The following LRRIQ1 variants were observed in gnomAD, a reference collection of about 807,000 sequenced individuals.
LRRIQ1 encodes the protein leucine rich repeats and IQ motif containing 1, also known as leucine-rich repeat- and IQ domain-containing protein 1.
Under a neutral mutation model 211.9 loss-of-function variants are expected in LRRIQ1, and 210 were observed. The ratio of observed to expected loss-of-function variants is 0.99; its 90% CI spans 0.89 to 1.11. The LOEUF is 1.11. Among genes scored for constraint, LRRIQ1 ranks in the 50% most tolerant of loss-of-function variants. The pLI is 0.00. For synonymous variants in LRRIQ1, 699 were observed against 650.1 expected, an observed-to-expected ratio of 1.08 and a Z score of -1.14; for missense variants, 2,136 against 1,939.5, an observed-to-expected ratio of 1.10 and a Z score of -1.90.
At position 85,044,797 on chromosome 12, in the gene LRRIQ1, G is replaced by A; in HGVS notation, c.324G>A (p.Glu108=). Residue 108 remains glutamate (E), a synonymous_variant, in exon 4 of 27, where the codon GAG becomes GAA. Transcript: ENST00000393217. ...CAACTGAATATGAAGAAAGTTCAGAGCAATTAATTAAGGTATATATTCAAT... is the reference window on the plus strand; with the variant it reads ...CAACTGAATATGAAGAAAGTTCAGAACAATTAATTAAGGTATATATTCAAT... ...GLSTEYEESS[E]QLIKILSEIE... is the part of the protein sequence containing the mutation. The A allele has an allele frequency of 6.8e-7, 1 of 1,465,068 alleles. No homozygotes were observed. Among genetic ancestry groups the A allele is most frequent in the Non-Finnish European group, 9.5e-7 (1 of 1,051,762 alleles). 90.8% of individuals were successfully genotyped at this position (1,465,068 alleles called of 1,614,324 possible).
At chr12:85,042,216 A>T (rs1490941191) in intron 3 of LRRIQ1, among the ~76,000 whole-genome samples, 1 of 151,732 alleles carries the variant, frequency 6.6e-6, no homozygotes, top group East Asian at 1.9e-4. Context: ...TTAGAAAATT[A>T]TGAGATCTTG....
chr12:85,164,411 G>A (rs1044221517), intron 24 of LRRIQ1, among the ~76,000 whole-genome samples: 15 of 152,112 alleles, frequency 9.9e-5, no homozygotes, highest in Admixed American at 2.6e-4. Flanking sequence ...AATAAGAGGC[G>A]AACAGTACTT....
At chr12:85,202,701 A>G (rs1342777560) in intron 24 of LRRIQ1, among the ~76,000 whole-genome samples, 1 of 152,142 alleles carries the variant, frequency 6.6e-6, no homozygotes, top group Non-Finnish European at 1.5e-5. Flanking sequence ...GAGACTTTTC[A>G]AGACAGCATG....
At chr12:85,067,112 T>C (rs556486717) in intron 10 of LRRIQ1, among the ~76,000 whole-genome samples, 1 of 152,042 alleles carries the variant, frequency 6.6e-6, no homozygotes, top group African/African-American at 2.4e-5. Context: ...TCTTAGCAGT[T>C]AGTATATTTA....
chr12:85,076,177 A>G (rs1003595666), intron 11 of LRRIQ1, among the ~76,000 whole-genome samples: 13 of 151,168 alleles, frequency 8.6e-5, no homozygotes, highest in African/African-American at 2.7e-4. Context: ...CAGCACTGAA[A>G]TATTTCTGGG....
chr12:85,238,006 A>T (rs1895272396), intron 26 of LRRIQ1, among the ~76,000 whole-genome samples: 2 of 152,160 alleles, frequency 1.3e-5, no homozygotes, highest in Admixed American at 1.3e-4. Context: ...TATAACATCT[A>T]TTATAAATAT....
At chr12:85,079,938 C>T (rs1162339004) in intron 11 of LRRIQ1, among the ~76,000 whole-genome samples, 9 of 151,902 alleles carry the variant, frequency 5.9e-5, no homozygotes, top group African/African-American at 2.2e-4. Context: ...TTCCATTGCT[C>T]TTTATTTTGT....
At chr12:85,082,670 A>G (rs894902261) in intron 11 of LRRIQ1, among the ~76,000 whole-genome samples, 9 of 152,138 alleles carry the variant, frequency 5.9e-5, no homozygotes, top group African/African-American at 2.2e-4. Context: ...AATCGAGCTC[A>G]TTGAGTTTTA....
Position 85,151,759 on chromosome 12 carries a change from C to T in LRRIQ1, c.4330-521C>T, listed in dbSNP as rs532247429. ...AACAGTTGAATTAGAGAATATAAATCAGGGACCATGTTCCTTGTATTGTTT... is the reference window on the plus strand; with the variant it reads ...AACAGTTGAATTAGAGAATATAAATTAGGGACCATGTTCCTTGTATTGTTT... On this transcript the variant is annotated intron_variant, in intron 19 of 26. Transcript: ENST00000393217. 5.9e-5 allele frequency among the ~76,000 whole-genome samples: 9 copies of T among 151,596 alleles called. No individual in the cohort carries two copies. The East Asian group carries it at 1.6e-3, about 26-fold the overall frequency.
intron 8 of LRRIQ1, among the ~76,000 whole-genome samples, chr12:85,060,990 T>C (rs763904537): frequency 5.3e-5 from 8 of 151,856 alleles, no homozygotes; most frequent in Non-Finnish European, 1.2e-4. Context: ...ATAGCTTCTA[T>C]AGGTGGAATA....
chr12:85,148,003 A>G (rs1273239825), intron 19 of LRRIQ1, among the ~76,000 whole-genome samples: 2 of 151,908 alleles, frequency 1.3e-5, no homozygotes, highest in East Asian at 3.9e-4. Context: ...ATGTCTCCAG[A>G]TGAACACTGC....
At chr12:85,249,457 T>A (rs1342111205), downstream of LRRIQ1, among the ~76,000 whole-genome samples, 1 of 151,826 alleles carries the variant, frequency 6.6e-6, no homozygotes, top group East Asian at 1.9e-4. Flanking sequence ...GTAACATGCA[T>A]TATAATTCCA....
At chr12:85,052,994 A>T (rs745540428) in intron 7 of LRRIQ1, among the ~76,000 whole-genome samples, 5 of 152,136 alleles carry the variant, frequency 3.3e-5, no homozygotes, top group Non-Finnish European at 5.9e-5. Flanking sequence ...AATAGCATCT[A>T]TAATGAAGTA....
At chr12:85,122,713 C>T (rs1333238715) in intron 16 of LRRIQ1, among the ~76,000 whole-genome samples, 1 of 151,830 alleles carries the variant, frequency 6.6e-6, no homozygotes. Context: ...TGAACATAGT[C>T]TATTTTGATT....
chr12:85,250,180 A>G (rs146354362), intron 1 of LRRIQ1, among the ~76,000 whole-genome samples: 1 of 152,022 alleles, frequency 6.6e-6, no homozygotes, highest in Non-Finnish European at 1.5e-5. Context: ...GAAAATGAGT[A>G]TCTGACATTT....
At chr12:85,105,653 G>A (rs1272140366) in intron 14 of LRRIQ1, among the ~76,000 whole-genome samples, 1 of 151,978 alleles carries the variant, frequency 6.6e-6, no homozygotes, top group African/African-American at 2.4e-5. Context: ...AAGTCAGGGT[G>A]TTGTTGTCTT....
chr12:85,230,294 T>C (rs1449712946), intron 25 of LRRIQ1, among the ~76,000 whole-genome samples: 2 of 152,210 alleles, frequency 1.3e-5, no homozygotes, highest in Non-Finnish European at 2.9e-5. Context: ...GGGAAAATTA[T>C]TTTATCTCAC....
intron 24 of LRRIQ1, among the ~76,000 whole-genome samples, chr12:85,216,380 A>G (rs1894082924): frequency 6.6e-6 from 1 of 152,042 alleles, no homozygotes; most frequent in Non-Finnish European, 1.5e-5. Context: ...TCCATGGTGA[A>G]TTAGGAGAGA....
chr12:85,237,837 G>A (rs1450278165), intron 26 of LRRIQ1, among the ~76,000 whole-genome samples: 3 of 152,080 alleles, frequency 2.0e-5, no homozygotes, highest in Non-Finnish European at 4.4e-5. Flanking sequence ...TTTAAAGGAT[G>A]CTAACAAAAT....
Sources: allele counts gnomAD v4.1 joint callset (sites outside exome capture counted in the v4.1 genomes callset), GRCh38; gene constraint gnomAD v4.1.1; transcripts MANE v1.5; gene names NCBI Gene and HGNC (gene_info 2026-07-23, HGNC 2026-07-21).